The following SLC38A6 variants were observed in gnomAD, a reference collection of about 807,000 sequenced individuals.
SLC38A6 encodes solute carrier family 38 member 6.
A neutral mutation model predicts 65.0 loss-of-function variants in SLC38A6; 73 were observed. That is an observed-to-expected ratio of 1.12 (90% CI 0.93 to 1.37). SLC38A6 has a LOEUF of 1.37. Ranked by LOEUF, SLC38A6 falls within the 40% of genes most tolerant of loss-of-function variation. The pLI is 0.00. For synonymous variants in SLC38A6, 183 were observed against 178.8 expected, an observed-to-expected ratio of 1.02 and a Z score of -0.19; for missense variants, 561 against 531.1, an observed-to-expected ratio of 1.06 and a Z score of -0.55.
rs1301413061 is a variant in SLC38A6, at chr14:61,036,950, G to T, written c.483-109G>T. ...GCTTTTCCTAATAGCTGGTTGTAAT[G>T]GTTATAACTCTGTGTGTGTGTGTGT... On this transcript the variant is annotated intron_variant, in intron 6 of 15. Transcript: ENST00000267488. 9.9e-6 allele frequency: 6 copies of T among 604,404 alleles called. No individual in the cohort carries two copies. In the African/African-American group the frequency reaches 1.0e-4, roughly 10 times the overall value. 37.4% of individuals were successfully genotyped at this position (604,404 alleles called of 1,614,324 possible). A position where few individuals can be genotyped will look rare whatever the true frequency, so the allele number is the denominator to read the frequency against.
At position 61,081,609 on chromosome 14, in the gene SLC38A6, C is replaced by T. The variant is rs374682942; in HGVS notation, c.1409-1946C>T. 7.9e-5 allele frequency among the ~76,000 whole-genome samples: 12 copies of T among 151,976 alleles called. No individual in the cohort carries two copies. In the East Asian group the frequency reaches 1.4e-3, roughly 17 times the overall value. On this transcript the variant is annotated intron_variant, in intron 16 of 16. Transcript: ENST00000354886. ...TGGAGGCAGGAGAATCGCTTGAACC[C>T]GGGAGGCAGAGGTTGCAGTAAGCCA...
chr14:61,045,570 T>G, intron 11 of SLC38A6, 145 bp downstream of exon 11: 2 of 625,352 alleles, frequency 3.2e-6, no homozygotes, highest in Middle Eastern at 6.3e-4. Context: ...CAAACAAGAG[T>G]TAGTTCTGTC....
intron 15 of SLC38A6, among the ~76,000 whole-genome samples, chr14:61,063,231 A>T (rs554121962): frequency 2.6e-5 from 4 of 152,274 alleles, no homozygotes; most frequent in Admixed American, 1.3e-4. Flanking sequence ...TCTACTTGGT[A>T]GAATTTAGAG....
At chr14:61,043,356 A>G in intron 9 of SLC38A6, 94 bp from the exon 10 acceptor site, 1 of 1,136,468 alleles carries the variant, frequency 8.8e-7, no homozygotes, top group African/African-American at 1.6e-5. Flanking sequence ...TTTCATTTGA[A>G]AGCCTAGTAA....
chr14:60,997,409 C>T (rs2038374963), intron 3 of SLC38A6, among the ~76,000 whole-genome samples: 1 of 152,190 alleles, frequency 6.6e-6, no homozygotes. Context: ...ACCTCAGCTT[C>T]CCAAAGTACT....
chr14:61,065,340 C>T (rs141557108), intron 15 of SLC38A6, among the ~76,000 whole-genome samples: 27 of 152,258 alleles, frequency 1.8e-4, no homozygotes, highest in African/African-American at 6.5e-4. Flanking sequence ...TAAACTTCAG[C>T]TTAGTATACT....
intron 15 of SLC38A6, among the ~76,000 whole-genome samples, chr14:61,074,321 C>A (rs1366269285): frequency 6.6e-6 from 1 of 152,214 alleles, no homozygotes; most frequent in Non-Finnish European, 1.5e-5. Flanking sequence ...GCTACTATAA[C>A]AAAATACCAT....
intron 3 of SLC38A6, among the ~76,000 whole-genome samples, chr14:60,998,794 G>A (rs531887895): frequency 1.3e-5 from 2 of 152,176 alleles, no homozygotes; most frequent in Non-Finnish European, 1.5e-5. Flanking sequence ...TGCGAGCTCC[G>A]CCTCCTGTAA....
At chr14:61,047,675 G>T (rs1277260702) in intron 12 of SLC38A6, among the ~76,000 whole-genome samples, 1 of 152,054 alleles carries the variant, frequency 6.6e-6, no homozygotes, top group Non-Finnish European at 1.5e-5. Flanking sequence ...ATGTATCTAT[G>T]TATAATCTAT....
At chr14:61,028,516 G>A (rs377742604) in intron 5 of SLC38A6, among the ~76,000 whole-genome samples, 1 of 152,064 alleles carries the variant, frequency 6.6e-6, no homozygotes, top group South Asian at 2.1e-4. Context: ...AATGGAGAAG[G>A]TTAGTCTAAA....
intron 3 of SLC38A6, among the ~76,000 whole-genome samples, chr14:60,995,745 C>T (rs1248365977): frequency 1.3e-5 from 2 of 152,038 alleles, no homozygotes; most frequent in African/African-American, 4.8e-5. Flanking sequence ...ATGTTGTACA[C>T]CTTAAATGTA....
intron 1 of SLC38A6, 58 bp from the exon 2 acceptor site, chr14:60,982,450 A>G: frequency 6.3e-7 from 1 of 1,575,300 alleles, no homozygotes; most frequent in Non-Finnish European, 8.6e-7. Flanking sequence ...GAATTTCTTT[A>G]CGAAATTTTA....
At chr14:60,982,191 CCT>C (rs1326560748) in intron 1 of SLC38A6, 1 of 474,256 alleles carries the variant, frequency 2.1e-6, no homozygotes, top group Non-Finnish European at 4.2e-6. Context: ...CCTTATCCCT[CCT>C]CTCTCTCCCC....
chr14:61,074,406 A>G (rs1217047315), intron 15 of SLC38A6, among the ~76,000 whole-genome samples: 1 of 152,206 alleles, frequency 6.6e-6, no homozygotes, highest in African/African-American at 2.4e-5. Context: ...GGTGCTGGCT[A>G]GAATTATTTT....
At chr14:61,076,848 A>G (rs1014420620) in intron 15 of SLC38A6, among the ~76,000 whole-genome samples, 6 of 152,228 alleles carry the variant, frequency 3.9e-5, no homozygotes, top group Non-Finnish European at 5.9e-5. Context: ...TGGGTCTTCA[A>G]GTAGAGCAGG....
chr14:61,034,828 G>A (rs986443264), intron 6 of SLC38A6, among the ~76,000 whole-genome samples: 3 of 152,076 alleles, frequency 2.0e-5, no homozygotes, highest in African/African-American at 7.2e-5. Context: ...ATAGTTTCTG[G>A]CATATGTATT....
In SLC38A6 at chr14:60,990,973, G is replaced by A. The variant is rs562419079; in HGVS notation, c.310+6170G>A. On this transcript the variant is annotated intron_variant, in intron 3 of 15. Coordinates refer to ENST00000267488, the MANE Select transcript of SLC38A6 (RefSeq NM_153811.3). The stretch of plus-strand genomic sequence containing the variant: ...CTTGGGATTACAGGCATGAGCCATC[G>A]TGCCTGGCCAAAAAATTAATAATCT... Among the ~76,000 whole-genome samples the A allele has an allele frequency of 3.3e-5, 5 of 152,190 alleles. No homozygotes were observed. In the South Asian group the frequency reaches 6.2e-4, roughly 19 times the overall value.
At position 61,050,601 on chromosome 14, in the gene SLC38A6, G is replaced by T; in HGVS notation, c.1015G>T (p.Ala339Ser). The change falls in exon 13 of 16, where the codon GCT becomes TCT. Residue 339 changes from alanine to serine, a missense_variant. Physicochemically the swap from Ala to Ser is moderately conservative, Grantham distance 99 (BLOSUM62 1). Coordinates refer to ENST00000267488, the MANE Select transcript of SLC38A6 (RefSeq NM_153811.3). ...GACTGTGAAGTTATGCATACTATTT[G>T]CTGTGCTTTTGACAGTCCCTCTAAT... ...VMTVKLCILF[A>S]VLLTVPLIHF... The T allele has an allele frequency of 6.3e-7, 1 of 1,597,716 alleles. No individual in the cohort carries two copies. The highest frequency in any genetic ancestry group is 8.6e-7 in the Non-Finnish European group (1 of 1,169,034).
At chr14:61,006,795 C>A (rs1189171304) in intron 3 of SLC38A6, among the ~76,000 whole-genome samples, 1 of 152,054 alleles carries the variant, frequency 6.6e-6, no homozygotes, top group Admixed American at 6.5e-5. Context: ...ACTAGAAATA[C>A]CATTTGACCC....
Sources: gnomAD v4.1 joint callset for allele counts (sites outside exome capture counted in the v4.1 genomes callset) on GRCh38, gnomAD v4.1.1 for gene constraint, MANE v1.5 for transcripts, NCBI Gene and HGNC (gene_info 2026-07-23, HGNC 2026-07-21) for gene names.